TMEM63B: variants seen among roughly 807,000 people sequenced by gnomAD.
The protein encoded by TMEM63B is mechanosensitive cation channel TMEM63B.
In TMEM63B, 23 loss-of-function variants were observed where a neutral mutation model predicts 102.6. The observed-to-expected ratio is 0.22, with a 90% CI of 0.16 to 0.32. The LOEUF is 0.32. Among genes scored for constraint, TMEM63B ranks in the 10% least tolerant of loss-of-function variants. The pLI is 1.00. For missense variants in TMEM63B, 628 were observed against 1,095.9 expected (o/e 0.57, Z 6.03); for synonymous variants, 444 against 437.0 (o/e 1.02, Z -0.20).
chr6:44,132,351 A>G (rs1220066240), intron 1 of TMEM63B: 3 of 984,998 alleles, frequency 3.0e-6, no homozygotes, highest in African/African-American at 1.7e-5. Context: ...CACTTCATGT[A>G]GAAGCTTCCA....
At chr6:44,142,292 T>C (rs994744549) in intron 10 of TMEM63B, among the ~76,000 whole-genome samples, 1 of 147,778 alleles carries the variant, frequency 6.8e-6, no homozygotes, top group African/African-American at 2.5e-5. Flanking sequence ...AAAAAATCAT[T>C]GAGGGCCGGG....
chr6:44,138,703 T>G, intron 6 of TMEM63B, 186 bp downstream of exon 6: 1 of 502,714 alleles, frequency 2.0e-6, no homozygotes, highest in East Asian at 3.7e-5. Flanking sequence ...AACACTCACT[T>G]GACCCCATAA....
chr6:44,129,749 C>T (rs1357107836), intron 1 of TMEM63B, among the ~76,000 whole-genome samples: 2 of 152,286 alleles, frequency 1.3e-5, no homozygotes, highest in South Asian at 2.1e-4. Context: ...AATTTTCTTT[C>T]TCTAAACCAA....
At chr6:44,135,858 G>A (rs1010457768) in intron 4 of TMEM63B, among the ~76,000 whole-genome samples, 4 of 152,332 alleles carry the variant, frequency 2.6e-5, no homozygotes, top group African/African-American at 7.2e-5. Flanking sequence ...TGGAGTTGGA[G>A]TTGTAACAGC....
intron 23 of TMEM63B, 74 bp from the exon 24 acceptor site, chr6:44,154,618 C>T (rs1767642171): frequency 1.5e-5 from 22 of 1,498,486 alleles, no homozygotes; most frequent in Non-Finnish European, 1.9e-5. Context: ...CTCTGCTGTC[C>T]TACATGCCCT....
chr6:44,135,206 AG>A, intron 3 of TMEM63B, 110 bp downstream of exon 3: 1 of 1,568,866 alleles, frequency 6.4e-7, no homozygotes, highest in South Asian at 1.1e-5. Context: ...TGGGGGGATG[AG>A]AAGGGACTAG....
At chr6:44,145,843 C>G (rs1304576672) in intron 10 of TMEM63B, among the ~76,000 whole-genome samples, 11 of 152,172 alleles carry the variant, frequency 7.2e-5, no homozygotes, top group Admixed American at 7.2e-4. Context: ...TCAAGCCTTG[C>G]CTGGTACCAG....
rs751719789 is a variant in TMEM63B, at chr6:44,135,335, C to A, written c.247C>A (p.Arg83=). ...ALVTDADRLR[R]QERDRVEQEY... ...TCTGTTCTCTGTCCCCAGGCTTCGG[C>A]GGCAGGAGAGGGACCGAGTGGAACA... The change falls in exon 4 of 24, where the codon CGG becomes AGG. Residue 83 remains arginine, a synonymous_variant. Coordinates refer to ENST00000323267, the MANE Select transcript of TMEM63B (RefSeq NM_018426.3). The A allele has an allele frequency of 6.2e-7, 1 of 1,612,892 alleles. No individual in the cohort carries two copies. The highest frequency in any genetic ancestry group is 1.1e-5 in the South Asian group (1 of 90,794).
At chr6:44,149,991 C>A (rs775763944) in intron 16 of TMEM63B, 26 bp downstream of exon 16, 1 of 1,591,722 alleles carries the variant, frequency 6.3e-7, no homozygotes, top group South Asian at 1.1e-5. Flanking sequence ...TCACACCACA[C>A]CTCGCTGTGG....
Position 44,149,790 on chromosome 6 carries a change from G to A in TMEM63B, c.1414-69G>A. ...AGGCCAAGGGCCCAGCTGGGGAGGA[G>A]GCACATAAGCAAAGCCACCTGGGCC... On this transcript the variant is annotated intron_variant, in intron 15 of 23. Transcript: ENST00000323267. The A allele has an allele frequency of 9.5e-6, 12 of 1,265,370 alleles. No homozygotes were observed. The South Asian group carries it at 1.5e-4, about 15-fold the overall frequency. 78.4% of individuals were successfully genotyped at this position (1,265,370 alleles called of 1,614,324 possible).
In TMEM63B at chr6:44,148,378, A is replaced by C. The variant is rs1582814333; in HGVS notation, c.1114A>C (p.Thr372Pro). 1 of 1,614,216 alleles carries C rather than the reference A, an allele frequency of 6.2e-7. No homozygotes were observed. Among genetic ancestry groups the C allele is most frequent in the East Asian group, 2.2e-5 (1 of 44,874 alleles). Residue 372 changes from threonine to proline, a missense_variant, in exon 13 of 24, where the codon ACC (threonine) becomes CCC (proline). Thr to Pro is a conservative substitution (Grantham distance 38). This residue lies in a region of TMEM63B where 336 missense variants were observed against 580.3 expected (regional missense o/e 0.58). Coordinates refer to ENST00000323267, the MANE Select transcript of TMEM63B (RefSeq NM_018426.3). This position sits in a 1 kb window ranked among gnomAD's most constrained non-coding sequence, Gnocchi z 5.1. ...AFVTFHNETITAIILKDFNVC... is the reference protein window; with the variant it reads ...AFVTFHNETIPAIILKDFNVC... ...TGTCACCTTCCACAATGAGACTATC[A>C]CCGCCATGTGAGTCCCCAACTCGGC...
At chr6:44,127,168 ACCCCCCTCCCCGTCG>A (rs1777213784), upstream of TMEM63B, 6 of 79,416 alleles carry the variant, frequency 7.6e-5, no homozygotes, top group African/African-American at 2.7e-4. Context: ...CCCCGTCGGG[ACCCCCCTCCCCGTCG>A]GGACCCCCCC....
At chr6:44,129,973 A>G (rs1777958379) in intron 1 of TMEM63B, among the ~76,000 whole-genome samples, 1 of 152,192 alleles carries the variant, frequency 6.6e-6, no homozygotes, top group Non-Finnish European at 1.5e-5. Flanking sequence ...GTCACATCCT[A>G]GAGTCTGTGC....
intron 18 of TMEM63B, among the ~76,000 whole-genome samples, 160 bp from the exon 19 acceptor site, chr6:44,151,686 G>C (rs1175215052): frequency 2.0e-5 from 3 of 150,290 alleles, no homozygotes; most frequent in Non-Finnish European, 4.5e-5. Flanking sequence ...GTATGTCTCT[G>C]GGGGGAACAG....
At chr6:44,145,099 A>AC (rs1187276132) in intron 10 of TMEM63B, among the ~76,000 whole-genome samples, 2 of 151,598 alleles carry the variant, frequency 1.3e-5, no homozygotes, top group African/African-American at 4.8e-5. Flanking sequence ...AGATGGTGAA[A>AC]CCCCATCTCT....
rs1338589603 is a variant in TMEM63B, at chr6:44,148,714, G to A, written c.1259+64G>A. ...GGGATGGGCTCAGTAGGTAGGCGGA[G>A]GAGAGGGAGTGTCTTGGTGTCACTG... On this transcript the variant is annotated intron_variant, in intron 14 of 23. Transcript: ENST00000323267. This position sits in a 1 kb window ranked among gnomAD's most constrained non-coding sequence, Gnocchi z 5.1. 2 of 1,610,806 alleles carry A rather than the reference G, an allele frequency of 1.2e-6. No individual in the cohort carries two copies. Among genetic ancestry groups the A allele is most frequent in the Non-Finnish European group, 1.7e-6 (2 of 1,177,466 alleles).
intron 11 of TMEM63B, 39 bp downstream of exon 11, chr6:44,146,966 C>G: frequency 6.2e-7 from 1 of 1,601,156 alleles, no homozygotes; most frequent in Non-Finnish European, 8.6e-7. Context: ...CACCAAGGGC[C>G]CCCTGCCATT....
chr6:44,149,745 T>A, intron 15 of TMEM63B, 114 bp from the exon 16 acceptor site: 1 of 778,360 alleles, frequency 1.3e-6, no homozygotes. Context: ...GCTTCCAACA[T>A]GGGAGCCCTG....
At chr6:44,126,700 G>T (rs146661802), upstream of TMEM63B, among the ~76,000 whole-genome samples, 3 of 152,352 alleles carry the variant, frequency 2.0e-5, no homozygotes, top group African/African-American at 7.2e-5. Context: ...CCAGGAACCA[G>T]AAATTAAATG....
Sources: gnomAD v4.1 joint callset for allele counts (sites outside exome capture counted in the v4.1 genomes callset) on GRCh38, gnomAD v4.1.1 for gene constraint, gnomAD v4.1.1 regional missense constraint, Gnocchi (gnomAD v3.1) non-coding constraint, MANE v1.5 for transcripts, NCBI Gene and HGNC (gene_info 2026-07-23, HGNC 2026-07-21) for gene names.